The following MTUS2 variants were observed in gnomAD, a reference collection of about 807,000 sequenced individuals.
MTUS2 encodes the protein microtubule-associated tumor suppressor candidate 2.
MTUS2 carries 40 observed loss-of-function variants against 114.1 expected under a neutral mutation model. That is an observed-to-expected ratio of 0.35 (90% CI 0.27 to 0.46). The LOEUF is 0.46. Among genes scored for constraint, MTUS2 ranks in the 20% least tolerant of loss-of-function variants. The pLI, the probability that MTUS2 is intolerant of heterozygous loss-of-function variation, is 1.00. For missense variants in MTUS2, 1,679 were observed against 1,705.4 expected (o/e 0.98, Z 0.27); for synonymous variants, 688 against 672.0 (o/e 1.02, Z -0.37).
chr13:28,845,619 C>T (rs1015073435), intron 2 of MTUS2, among the ~76,000 whole-genome samples: 1 of 150,898 alleles, frequency 6.6e-6, no homozygotes, highest in African/African-American at 2.4e-5. Context: ...GGACTGGCTT[C>T]GTGGTAGAGG....
At chr13:29,279,073 A>G (rs919480803) in intron 5 of MTUS2, among the ~76,000 whole-genome samples, 3 of 152,200 alleles carry the variant, frequency 2.0e-5, no homozygotes, top group African/African-American at 7.2e-5. Flanking sequence ...ATTTTTTCAT[A>G]GCAACTCTTA....
chr13:28,887,831 T>C (rs1014320762), intron 2 of MTUS2, among the ~76,000 whole-genome samples: 1 of 152,182 alleles, frequency 6.6e-6, no homozygotes, highest in African/African-American at 2.4e-5. Context: ...GGCAGTTAGT[T>C]TCTCTTCTTA....
chr13:29,042,081 A>G (rs986160390), intron 4 of MTUS2, among the ~76,000 whole-genome samples: 4 of 152,166 alleles, frequency 2.6e-5, no homozygotes, highest in Admixed American at 2.6e-4. Context: ...TTCCCCATTC[A>G]GTATAATGTT....
At chr13:28,999,454 C>T (rs76483235) in intron 2 of MTUS2, among the ~76,000 whole-genome samples, 1,742 of 152,292 alleles carry the variant, frequency 0.011, 19 homozygotes, top group Non-Finnish European at 0.019. Context: ...TTGTGGTTTT[C>T]ATAGGGCTTA....
intron 8 of MTUS2, among the ~76,000 whole-genome samples, chr13:29,379,093 T>G (rs1158603968): frequency 1.3e-5 from 2 of 152,258 alleles, no homozygotes; most frequent in Non-Finnish European, 1.5e-5. Flanking sequence ...ACCATCATTG[T>G]AAGTTTCCTG....
At chr13:28,921,485 C>T (rs1307009814) in intron 2 of MTUS2, among the ~76,000 whole-genome samples, 20 of 152,152 alleles carry the variant, frequency 1.3e-4, no homozygotes, top group Non-Finnish European at 2.9e-5. Context: ...GCTGCACTGC[C>T]TGGAGTTGAG....
chr13:29,253,590 C>A (rs77049219), intron 5 of MTUS2, among the ~76,000 whole-genome samples: 12,404 of 152,050 alleles, frequency 0.082, 1,633 homozygotes, highest in African/African-American at 0.28. Flanking sequence ...TTTATTGAGT[C>A]CTTGCTATGG....
At chr13:29,313,268 A>G (rs1899849295) in intron 6 of MTUS2, among the ~76,000 whole-genome samples, 1 of 152,222 alleles carries the variant, frequency 6.6e-6, no homozygotes, top group Admixed American at 6.5e-5. Flanking sequence ...AAAGTGGACT[A>G]GATTTAAGAC....
intron 8 of MTUS2, among the ~76,000 whole-genome samples, chr13:29,417,860 C>G (rs1875779219): frequency 6.6e-6 from 1 of 152,142 alleles, no homozygotes. Context: ...TGTAATAACT[C>G]TGTATCTGCT....
chr13:28,909,471 T>A (rs993025869), intron 2 of MTUS2, among the ~76,000 whole-genome samples: 2 of 152,140 alleles, frequency 1.3e-5, no homozygotes, highest in Non-Finnish European at 2.9e-5. Context: ...GGGAGTTCAC[T>A]CATGATTTGG....
intron 6 of MTUS2, among the ~76,000 whole-genome samples, chr13:29,323,762 G>A (rs1362706748): frequency 2.6e-5 from 4 of 152,130 alleles, no homozygotes; most frequent in Non-Finnish European, 4.4e-5. Flanking sequence ...AAGGAAGAGT[G>A]AGGTCTCAGG....
chr13:29,197,987 C>T (rs1289141061), intron 5 of MTUS2, among the ~76,000 whole-genome samples: 1 of 152,102 alleles, frequency 6.6e-6, no homozygotes, highest in African/African-American at 2.4e-5. Flanking sequence ...AAAACATTCT[C>T]CCATGCAAAA....
At chr13:29,137,036 G>A (rs981202456) in intron 5 of MTUS2, among the ~76,000 whole-genome samples, 2 of 152,208 alleles carry the variant, frequency 1.3e-5, no homozygotes, top group African/African-American at 4.8e-5. Flanking sequence ...CCACAATTTG[G>A]TAGTCAGAGA....
At chr13:28,918,468 G>A (rs893190924) in intron 2 of MTUS2, among the ~76,000 whole-genome samples, 10 of 151,788 alleles carry the variant, frequency 6.6e-5, no homozygotes, top group African/African-American at 2.4e-4. Flanking sequence ...TATTTTATCT[G>A]ATTTACTGGC....
intron 3 of MTUS2, among the ~76,000 whole-genome samples, chr13:29,028,778 TTGTTCCCCG>T (rs1886681186): frequency 6.6e-6 from 1 of 152,168 alleles, no homozygotes; most frequent in African/African-American, 2.4e-5. Flanking sequence ...TTTCAATATT[TTGTTCCCCG>T]TGTTCCCAGA....
chr13:29,052,662 A>G (rs1887956993), intron 4 of MTUS2, among the ~76,000 whole-genome samples: 1 of 152,186 alleles, frequency 6.6e-6, no homozygotes, highest in Admixed American at 6.5e-5. Context: ...GCCTATTGTA[A>G]GACTGTGGGG....
chr13:29,462,388 C>T (rs1879561614), intron 9 of MTUS2, among the ~76,000 whole-genome samples: 1 of 152,172 alleles, frequency 6.6e-6, no homozygotes, highest in Non-Finnish European at 1.5e-5. Context: ...CTATAGTCTT[C>T]AGAGTCGCTT....
chr13:29,420,540 G>A (rs1876016582), intron 8 of MTUS2, among the ~76,000 whole-genome samples: 1 of 152,036 alleles, frequency 6.6e-6, no homozygotes, highest in Non-Finnish European at 1.5e-5. Flanking sequence ...GCCTCCCAAA[G>A]TGCTGGGATT....
At chr13:29,111,164 G>A (rs1890868935) in intron 5 of MTUS2, among the ~76,000 whole-genome samples, 1 of 152,128 alleles carries the variant, frequency 6.6e-6, no homozygotes, top group Admixed American at 6.5e-5. Context: ...ATATGATAAT[G>A]GTGAATAAAG....
Sources: gnomAD v4.1 joint callset for allele counts (sites outside exome capture counted in the v4.1 genomes callset) on GRCh38, gnomAD v4.1.1 for gene constraint, MANE v1.5 for transcripts, NCBI Gene and HGNC (gene_info 2026-07-23, HGNC 2026-07-21) for gene names.